The following BMPER variants were observed in gnomAD, a reference collection of about 807,000 sequenced individuals.
The protein encoded by BMPER is BMP-binding endothelial regulator protein.
In BMPER, 45 loss-of-function variants were observed where a neutral mutation model predicts 87.3. That is an observed-to-expected ratio of 0.52 (90% CI 0.41 to 0.66). BMPER has a LOEUF of 0.66. Ranked by LOEUF, BMPER falls within the 30% of genes least tolerant of loss-of-function variation. The probability of loss-of-function intolerance (pLI) is 0.00; values close to 1 mark genes in which losing one functional copy is unlikely to be tolerated. For synonymous variants in BMPER, 326 were observed against 316.2 expected (o/e 1.03, Z -0.33); for missense variants, 784 against 867.5 (o/e 0.90, Z 1.21).
chr7:33,920,431 T>G (rs935060593), intron 2 of BMPER, among the ~76,000 whole-genome samples: 2 of 140,730 alleles, frequency 1.4e-5, no homozygotes, highest in Non-Finnish European at 3.1e-5. Flanking sequence ...TTTTTTTTTT[T>G]TTTTTTTTTT....
At chr7:34,032,681 T>C (rs1191865807) in intron 6 of BMPER, among the ~76,000 whole-genome samples, 2 of 152,200 alleles carry the variant, frequency 1.3e-5, no homozygotes, top group African/African-American at 2.4e-5. Flanking sequence ...CAATTTTGTT[T>C]CAAACACTGC....
intron 6 of BMPER, among the ~76,000 whole-genome samples, chr7:33,997,432 G>A (rs886823656): frequency 2.6e-5 from 4 of 152,098 alleles, no homozygotes; most frequent in South Asian, 2.1e-4. Flanking sequence ...TGATATTCTC[G>A]TGATAGTGAG....
At chr7:34,150,632 T>G (rs1362454) in intron 14 of BMPER, among the ~76,000 whole-genome samples, 91,360 of 151,964 alleles carry the variant, frequency 0.6, 27,865 homozygotes, top group East Asian at 0.8. Context: ...AAGAGGACTT[T>G]GAAAGGATCA....
chr7:34,071,739 A>C (rs1484487147), intron 11 of BMPER, among the ~76,000 whole-genome samples: 2 of 152,220 alleles, frequency 1.3e-5, no homozygotes, highest in African/African-American at 4.8e-5. Flanking sequence ...ATGAATGAAA[A>C]GTTGATACAG....
intron 3 of BMPER, among the ~76,000 whole-genome samples, chr7:33,962,909 C>A (rs1785308321): frequency 1.3e-5 from 2 of 151,964 alleles, no homozygotes; most frequent in Admixed American, 1.3e-4. Flanking sequence ...ATTACTAGAT[C>A]TGCTATGATT....
At chr7:34,072,897 A>G (rs1043786457) in intron 11 of BMPER, among the ~76,000 whole-genome samples, 2 of 152,136 alleles carry the variant, frequency 1.3e-5, no homozygotes, top group Non-Finnish European at 2.9e-5. Context: ...ATGAATTTGG[A>G]TTTCTCAGCT....
chr7:34,017,965 CCAA>C (rs1787076897), intron 6 of BMPER, among the ~76,000 whole-genome samples: 1 of 141,534 alleles, frequency 7.1e-6, no homozygotes. Context: ...TTAAACTTGT[CCAA>C]AAAAAAAAAA....
intron 13 of BMPER, among the ~76,000 whole-genome samples, chr7:34,096,655 A>T (rs984217281): frequency 7.9e-5 from 12 of 152,110 alleles, no homozygotes; most frequent in Non-Finnish European, 1.8e-4. Flanking sequence ...GCACACAGAG[A>T]TGGAGCAGTT....
At chr7:34,065,904 A>G (rs1386573744) in intron 11 of BMPER, among the ~76,000 whole-genome samples, 1 of 152,250 alleles carries the variant, frequency 6.6e-6, no homozygotes, top group Non-Finnish European at 1.5e-5. Flanking sequence ...GAATACCTCC[A>G]TGCACACATA....
At chr7:33,975,021 G>A (rs933903124) in intron 6 of BMPER, among the ~76,000 whole-genome samples, 1 of 152,146 alleles carries the variant, frequency 6.6e-6, no homozygotes, top group Non-Finnish European at 1.5e-5. Flanking sequence ...TGTTTAGCAA[G>A]GTCCCCTGGC....
intron 7 of BMPER, among the ~76,000 whole-genome samples, chr7:34,048,923 C>T (rs74495807): frequency 0.096 from 14,579 of 152,108 alleles, 820 homozygotes; most frequent in African/African-American, 0.16. Flanking sequence ...AGATTTTATG[C>T]TCTTTGAGGG....
chr7:34,141,127 G>A (rs1036910466), intron 13 of BMPER, among the ~76,000 whole-genome samples: 2 of 152,174 alleles, frequency 1.3e-5, no homozygotes, highest in African/African-American at 4.8e-5. Context: ...ACAACAAAGG[G>A]AAATGACATT....
intron 13 of BMPER, among the ~76,000 whole-genome samples, chr7:34,141,059 G>A (rs1325865204): frequency 2.0e-5 from 3 of 152,172 alleles, no homozygotes; most frequent in African/African-American, 7.2e-5. Flanking sequence ...CGAAAATGTC[G>A]CTGTGAAGTC....
intron 6 of BMPER, among the ~76,000 whole-genome samples, chr7:34,040,494 C>A (rs1303054545): frequency 6.6e-6 from 1 of 151,800 alleles, no homozygotes; most frequent in African/African-American, 2.4e-5. Context: ...CTGGGTTCTG[C>A]ATTAGAATCT....
intron 3 of BMPER, among the ~76,000 whole-genome samples, chr7:33,957,729 C>T (rs922583612): frequency 6.6e-6 from 1 of 152,050 alleles, no homozygotes; most frequent in Non-Finnish European, 1.5e-5. Context: ...TGCATGGAAC[C>T]TACCTGTATA....
chr7:34,060,006 C>G (rs773048718), intron 10 of BMPER, among the ~76,000 whole-genome samples: 5 of 152,180 alleles, frequency 3.3e-5, no homozygotes, highest in Admixed American at 2.6e-4. Flanking sequence ...ATCTCTAATA[C>G]GTACTGAGAT....
At chr7:33,906,796 A>AT (rs753210851) in intron 1 of BMPER, 22 bp from the exon 2 acceptor site, 6 of 1,600,204 alleles carry the variant, frequency 3.7e-6, no homozygotes, top group African/African-American at 2.7e-5. Flanking sequence ...TAAATGAAAC[A>AT]TTTTTCCCCC....
At chr7:34,100,185 A>T (rs1325246126) in intron 13 of BMPER, among the ~76,000 whole-genome samples, 1 of 152,234 alleles carries the variant, frequency 6.6e-6, no homozygotes, top group Admixed American at 6.5e-5. Context: ...TTTATAGTCC[A>T]GTTAATGAAG....
chr7:33,980,282 G>A (rs1005606030), intron 6 of BMPER, among the ~76,000 whole-genome samples: 1 of 152,126 alleles, frequency 6.6e-6, no homozygotes, highest in African/African-American at 2.4e-5. Context: ...TCCATATAGC[G>A]GTCTGAGTCA....
Sources: gnomAD v4.1 joint callset for allele counts (sites outside exome capture counted in the v4.1 genomes callset) on GRCh38, gnomAD v4.1.1 for gene constraint, MANE v1.5 for transcripts, NCBI Gene and HGNC (gene_info 2026-07-23, HGNC 2026-07-21) for gene names.